Variants in CGGBP1 observed in about 807,000 individuals in gnomAD.
CGGBP1 encodes the protein CGG triplet repeat binding protein 1, also known as CGG triplet repeat-binding protein 1.
In CGGBP1, 4 loss-of-function variants were observed where a neutral mutation model predicts 11.4. That is an observed-to-expected ratio of 0.35 (90% CI 0.17 to 0.80). The LOEUF is 0.80. Ranked by LOEUF, CGGBP1 falls within the 30% of genes least tolerant of loss-of-function variation. CGGBP1 has a pLI of 0.52. For missense variants in CGGBP1, 135 were observed against 202.1 expected, an observed-to-expected ratio of 0.67 and a Z score of 2.01; for synonymous variants, 76 against 74.1, an observed-to-expected ratio of 1.03 and a Z score of -0.13.
At chr3:88,100,078 G>A (rs1423749687) in intron 2 of CGGBP1, among the ~76,000 whole-genome samples, 1 of 152,176 alleles carries the variant, frequency 6.6e-6, no homozygotes, top group Non-Finnish European at 1.5e-5. Context: ...CTACCCATCT[G>A]ACAAAGGGCT....
At chr3:88,109,693 T>C (rs1259148513) in intron 2 of CGGBP1, among the ~76,000 whole-genome samples, 1 of 152,182 alleles carries the variant, frequency 6.6e-6, no homozygotes, top group Non-Finnish European at 1.5e-5. Flanking sequence ...TAAATCATTT[T>C]GTTTGGGAAT....
intron 2 of CGGBP1, among the ~76,000 whole-genome samples, chr3:88,116,673 T>C (rs963431812): frequency 6.6e-6 from 1 of 151,980 alleles, no homozygotes; most frequent in Admixed American, 6.6e-5. Flanking sequence ...TTCTTCCCAC[T>C]GAGAGAATGA....
intron 2 of CGGBP1, among the ~76,000 whole-genome samples, chr3:88,117,577 G>A (rs544105058): frequency 6.6e-6 from 1 of 152,004 alleles, no homozygotes; most frequent in Non-Finnish European, 1.5e-5. Context: ...TACAAATGGG[G>A]TCATTACAGA....
intron 2 of CGGBP1, among the ~76,000 whole-genome samples, chr3:88,097,686 A>C (rs1704143944): frequency 6.6e-6 from 1 of 152,154 alleles, no homozygotes; most frequent in Non-Finnish European, 1.5e-5. Context: ...ACTCACTCAA[A>C]ACCGCTCAAC....
chr3:88,123,573 T>A (rs4485742), intron 2 of CGGBP1, among the ~76,000 whole-genome samples: 119,104 of 152,014 alleles, frequency 0.78, 47,579 homozygotes, highest in South Asian at 0.91. Flanking sequence ...ATTCAGTAGG[T>A]CTAAATTAGG....
chr3:88,076,120 T>C (rs1377687807), intron 2 of CGGBP1, among the ~76,000 whole-genome samples: 1 of 152,264 alleles, frequency 6.6e-6, no homozygotes, highest in East Asian at 1.9e-4. Context: ...ATCTCCCTGC[T>C]TTTTAATTTA....
chr3:88,059,812 C>A (rs1706747332), upstream of CGGBP1, among the ~76,000 whole-genome samples: 1 of 152,136 alleles, frequency 6.6e-6, no homozygotes, highest in Non-Finnish European at 1.5e-5. Context: ...CCAAACAGAC[C>A]TTCCTGCCCG....
chr3:88,146,605 G>C (rs1235299995), intron 1 of CGGBP1, among the ~76,000 whole-genome samples: 4 of 152,090 alleles, frequency 2.6e-5, no homozygotes, highest in Admixed American at 2.6e-4. Flanking sequence ...ACAGAATTTT[G>C]CTAAATTTCT....
intron 2 of CGGBP1, chr3:88,139,073 A>G: frequency 7.9e-7 from 1 of 1,266,150 alleles, no homozygotes; most frequent in South Asian, 3.5e-5. Context: ...TGAGTGATAA[A>G]TCAGCAGTTA....
chr3:88,126,250 G>A, intron 2 of CGGBP1: 1 of 1,519,682 alleles, frequency 6.6e-7, no homozygotes. Context: ...TTAAAGCTCA[G>A]CCAGCATCTC....
At chr3:88,122,208 A>C (rs1705810768) in intron 2 of CGGBP1, among the ~76,000 whole-genome samples, 1 of 152,214 alleles carries the variant, frequency 6.6e-6, no homozygotes, top group African/African-American at 2.4e-5. Flanking sequence ...TAGGAGAATG[A>C]CATGAGAAAT....
rs1707327898 is a variant in CGGBP1 at position 88,068,537 on chromosome 3, G to C, written c.-228-10314C>G. 2.0e-5 allele frequency among the ~76,000 whole-genome samples: 3 copies of C among 151,912 alleles called. No individual in the cohort carries two copies. In the South Asian group the frequency reaches 6.2e-4, roughly 32 times the overall value. ...TTATTGACATCAACCAGTATGTTTT[G>C]GTTACTCTAAAGTTGAAATATTATA... On this transcript the variant is annotated intron_variant, in intron 2 of 3. Transcript: ENST00000462901.
chr3:88,112,358 G>A (rs1705144020), intron 2 of CGGBP1, among the ~76,000 whole-genome samples: 1 of 151,694 alleles, frequency 6.6e-6, no homozygotes, highest in South Asian at 2.1e-4. Context: ...GATTTAGAGG[G>A]ATTTGTCACT....
Position 88,053,123 on chromosome 3 carries a change from C to A in CGGBP1, c.*2350G>T, listed in dbSNP as rs778475566. On this transcript the variant is annotated 3_prime_UTR_variant, in exon 4 of 4. Transcript: ENST00000482016. ...AAAACTTCTGTACACACGTTCACTA[C>A]ACCTCCAAAGCAGCATATGCCTCTT... 6.6e-6 allele frequency: 1 copy of A among 152,480 alleles called. No individual in the cohort carries two copies. Among genetic ancestry groups the A allele is most frequent in the Non-Finnish European group, 1.5e-5 (1 of 67,990 alleles). 9.4% of individuals were successfully genotyped at this position (152,480 alleles called of 1,614,324 possible). A position where few individuals can be genotyped will look rare whatever the true frequency, so the allele number is the denominator to read the frequency against.
At chr3:88,106,801 A>G (rs1704768478) in intron 2 of CGGBP1, among the ~76,000 whole-genome samples, 1 of 152,158 alleles carries the variant, frequency 6.6e-6, no homozygotes, top group Non-Finnish European at 1.5e-5. Flanking sequence ...ACCAAGTTAT[A>G]TGAGGATTTT....
rs1410441595 is a variant in CGGBP1, at chr3:88,052,715, T to C, written c.*2758A>G. The C allele has an allele frequency of 6.6e-6, 1 of 152,230 alleles. No homozygotes were observed. The highest frequency in any genetic ancestry group is 1.9e-4 in the East Asian group (1 of 5,206). 9.4% of individuals were successfully genotyped at this position (152,230 alleles called of 1,614,324 possible). ...CCAAATGCATTAACTGGAAATAGCA[T>C]TTTTTTAAAGTCTTAATCAAAGATG... On this transcript the variant is annotated 3_prime_UTR_variant, in exon 4 of 4. Transcript: ENST00000482016.
At chr3:88,142,221 T>TA (rs1409121025) in intron 1 of CGGBP1, 2 of 151,862 alleles carry the variant, frequency 1.3e-5, no homozygotes, top group African/African-American at 4.9e-5. Flanking sequence ...TTAAAGATTG[T>TA]AACAGGTTTC....
chr3:88,067,460 A>G (rs773487817), intron 2 of CGGBP1, among the ~76,000 whole-genome samples: 4 of 152,220 alleles, frequency 2.6e-5, no homozygotes, highest in Non-Finnish European at 5.9e-5. Flanking sequence ...ATGAGCTCAC[A>G]TAGGGAGAGA....
rs552789770 is a variant in CGGBP1, at chr3:88,073,557, A to G, written c.-228-15334T>C. 8.5e-5 allele frequency among the ~76,000 whole-genome samples: 13 copies of G among 152,354 alleles called. 1 individual carries two copies. The highest frequency in any genetic ancestry group is 2.6e-4 in the African/African-American group (11 of 41,588). ...GGAACAATTTCAAGGAATATTATGTATACTAAAGTACTTAGCATTTTGCTA... is the reference window on the plus strand; with the variant it reads ...GGAACAATTTCAAGGAATATTATGTGTACTAAAGTACTTAGCATTTTGCTA... On this transcript the variant is annotated intron_variant, in intron 2 of 3. Transcript: ENST00000462901.
Sources: gnomAD v4.1 joint callset for allele counts (sites outside exome capture counted in the v4.1 genomes callset) on GRCh38, gnomAD v4.1.1 for gene constraint, MANE v1.5 for transcripts, NCBI Gene and HGNC (gene_info 2026-07-23, HGNC 2026-07-21) for gene names.